Variants in TTLL1 observed in about 807,000 individuals in gnomAD.
TTLL1 encodes the protein polyglutamylase complex subunit TTLL1.
Under a neutral mutation model 47.8 loss-of-function variants are expected in TTLL1, and 33 were observed. The observed-to-expected ratio is 0.69, with a 90% CI of 0.52 to 0.92. The LOEUF (loss-of-function observed/expected upper bound fraction) is 0.92, where lower values mean the gene tolerates loss of function less well. TTLL1 is among the 40% of genes least tolerant of loss of function. The pLI is 0.00. For synonymous variants in TTLL1, 225 were observed against 214.1 expected (o/e 1.05, Z -0.45); for missense variants, 488 against 547.5 (o/e 0.89, Z 1.08).
intron 9 of TTLL1, among the ~76,000 whole-genome samples, chr22:43,049,124 GAAACAAGAAAA>G (rs1926390799): frequency 1.4e-5 from 2 of 143,428 alleles, no homozygotes; most frequent in Non-Finnish European, 3.0e-5. Flanking sequence ...TGTGCCCCCT[GAAACAAGAAAA>G]AAAAAAAAAA....
chr22:43,044,906 A>C (rs1361957893), intron 10 of TTLL1, among the ~76,000 whole-genome samples: 1 of 148,460 alleles, frequency 6.7e-6, no homozygotes, highest in Non-Finnish European at 1.5e-5. Flanking sequence ...TCTGTCGCCC[A>C]GGCTGGAGTG....
At chr22:43,084,113 T>C (rs920060077) in intron 1 of TTLL1, among the ~76,000 whole-genome samples, 2 of 152,208 alleles carry the variant, frequency 1.3e-5, no homozygotes, top group East Asian at 1.9e-4. Flanking sequence ...CCACGGAAGA[T>C]AGAAACAGAG....
At chr22:43,052,286 C>T (rs1926695196) in intron 8 of TTLL1, 1 of 222,290 alleles carries the variant, frequency 4.5e-6, no homozygotes, top group Non-Finnish European at 9.2e-6. Flanking sequence ...CCCGTTACCC[C>T]TTCCCAGGCC....
chr22:43,047,398 C>T (rs1347261068), intron 9 of TTLL1, among the ~76,000 whole-genome samples: 1 of 151,102 alleles, frequency 6.6e-6, no homozygotes, highest in Non-Finnish European at 1.5e-5. Context: ...TAAGCAACGT[C>T]ACAAGATCCA....
At chr22:43,066,697 T>A (rs192519778) in intron 5 of TTLL1, among the ~76,000 whole-genome samples, 15 of 118,474 alleles carry the variant, frequency 1.3e-4, no homozygotes, top group African/African-American at 2.9e-4. Context: ...AAAAAAAAAA[T>A]TTTTTTTTAG....
chr22:43,044,902 G>A (rs182936538), intron 10 of TTLL1, among the ~76,000 whole-genome samples: 198 of 149,622 alleles, frequency 1.3e-3, no homozygotes, highest in African/African-American at 4.5e-3. Flanking sequence ...TCACTCTGTC[G>A]CCCAGGCTGG....
intron 2 of TTLL1, among the ~76,000 whole-genome samples, chr22:43,077,665 A>G (rs972487725): frequency 2.0e-5 from 3 of 152,078 alleles, no homozygotes; most frequent in Admixed American, 2.0e-4. Flanking sequence ...TCTGCTCTGA[A>G]AAGTCTCGTT....
chr22:43,068,238 A>G (rs1034512411), intron 5 of TTLL1, among the ~76,000 whole-genome samples, 172 bp downstream of exon 5: 7 of 151,710 alleles, frequency 4.6e-5, no homozygotes, highest in African/African-American at 1.7e-4. Context: ...AATCGCTTGA[A>G]CCCAGAAGGC....
At chr22:43,069,014 C>G (rs1476728704) in intron 4 of TTLL1, among the ~76,000 whole-genome samples, 1 of 151,980 alleles carries the variant, frequency 6.6e-6, no homozygotes. Flanking sequence ...GTCATGAGCC[C>G]TCGTGGCAGC....
At chr22:43,077,883 G>A (rs1928614984) in intron 2 of TTLL1, among the ~76,000 whole-genome samples, 1 of 152,154 alleles carries the variant, frequency 6.6e-6, no homozygotes, top group Non-Finnish European at 1.5e-5. Context: ...GAGGCAGGCG[G>A]ATCACTTGAG....
At chr22:43,069,953 T>G in intron 3 of TTLL1, 109 bp from the exon 4 acceptor site, 1 of 1,463,798 alleles carries the variant, frequency 6.8e-7, no homozygotes, top group East Asian at 2.5e-5. Context: ...TCACCACTAC[T>G]CCCACATCCC....
At chr22:43,083,213 C>T (rs1929012343) in intron 1 of TTLL1, among the ~76,000 whole-genome samples, 1 of 142,354 alleles carries the variant, frequency 7.0e-6, no homozygotes, top group South Asian at 2.3e-4. Context: ...AAAAAAAATA[C>T]AAAAAATTAG....
rs760210912 is a variant in TTLL1, at chr22:43,039,729, C to T, written c.*47G>A. On this transcript the variant is annotated 3_prime_UTR_variant, in exon 11 of 11. Coordinates refer to ENST00000266254, the MANE Select transcript of TTLL1 (RefSeq NM_012263.5). ...GGGAAATTTCAAAATAGGGCTTCAG[C>T]AGGGGCCCAGGTGGAGTGAGTAGTT... 5.9e-5 allele frequency: 90 copies of T among 1,518,200 alleles called. No homozygotes were observed. The highest frequency in any genetic ancestry group is 7.3e-5 in the Non-Finnish European group (83 of 1,129,738). 94.0% of individuals were successfully genotyped at this position (1,518,200 alleles called of 1,614,324 possible).
chr22:43,064,227 C>G lies in TTLL1; in HGVS notation c.601G>C (p.Val201Leu). The change falls in exon 6 of 11, where the codon GTT becomes CTT. Residue 201 changes from valine to leucine, a missense_variant. Transcript: ENST00000266254. Reference protein sequence around the residue: ...GGRKFDLRLYVLVSTYRPLRC... With the variant: ...GGRKFDLRLYLLVSTYRPLRC... ...AGTGGACGGTACGTGGACACCAGAACGTACAAGCGCAGGTCGAACTTCCTC... is the reference window on the plus strand; with the variant it reads ...AGTGGACGGTACGTGGACACCAGAAGGTACAAGCGCAGGTCGAACTTCCTC... 2 of 1,614,100 alleles carry G rather than the reference C, an allele frequency of 1.2e-6. No homozygotes were observed. The highest frequency in any genetic ancestry group is 1.1e-5 in the South Asian group (1 of 91,074).
At chr22:43,045,194 G>A (rs1173851628) in intron 10 of TTLL1, among the ~76,000 whole-genome samples, 10 of 152,134 alleles carry the variant, frequency 6.6e-5, no homozygotes, top group African/African-American at 7.2e-5. Flanking sequence ...TTAATAGACC[G>A]CAGAATGAAT....
intron 1 of TTLL1, among the ~76,000 whole-genome samples, chr22:43,080,902 CTTTTT>C (rs10529079): frequency 0.012 from 812 of 69,014 alleles, 8 homozygotes; most frequent in African/African-American, 0.044. Context: ...TGTTGCATGA[CTTTTT>C]TTTTTTTTTT....
At position 43,042,005 on chromosome 22, in the gene TTLL1, G is replaced by T. The variant is rs141203418; in HGVS notation, c.1143-2100C>A. 9.8e-3 allele frequency among the ~76,000 whole-genome samples: 1,437 copies of T among 145,984 alleles called. 28 individuals carry two copies. The highest frequency in any genetic ancestry group is 0.038 in the African/African-American group (1,369 of 36,054). ...CTGGAACTCTGGAATCTGCCTGGGT[G>T]GGGGGGGTCCTCCAGGAAGCCTCCC... On this transcript the variant is annotated intron_variant, in intron 10 of 10. Transcript: ENST00000266254.
chr22:43,079,132 G>A (rs1309662876), intron 2 of TTLL1, among the ~76,000 whole-genome samples: 2 of 96,006 alleles, frequency 2.1e-5, no homozygotes, highest in East Asian at 3.6e-4. Flanking sequence ...CGGGGACCAT[G>A]GGAGCCGCAC....
chr22:43,068,888 G>A (rs577006645), intron 4 of TTLL1, among the ~76,000 whole-genome samples: 2 of 152,262 alleles, frequency 1.3e-5, no homozygotes, highest in South Asian at 4.2e-4. Flanking sequence ...GAGGCCCAGG[G>A]AGATCAGATA....
Sources: gnomAD v4.1 joint callset for allele counts (sites outside exome capture counted in the v4.1 genomes callset) on GRCh38, gnomAD v4.1.1 for gene constraint, MANE v1.5 for transcripts, NCBI Gene and HGNC (gene_info 2026-07-23, HGNC 2026-07-21) for gene names.